Variants in COL10A1 observed in about 807,000 individuals in gnomAD.
COL10A1 encodes the protein collagen alpha-1(X) chain.
A neutral mutation model predicts 18.2 loss-of-function variants in COL10A1; 10 were observed. The ratio of observed to expected loss-of-function variants is 0.55; its 90% CI spans 0.34 to 0.93. COL10A1 has a LOEUF of 0.93. Ranked by LOEUF, COL10A1 falls within the 40% of genes least tolerant of loss-of-function variation. The probability of loss-of-function intolerance (pLI) is 0.02; values close to 1 mark genes in which losing one functional copy is unlikely to be tolerated. For missense variants in COL10A1, 897 were observed against 853.5 expected (o/e 1.05, Z -0.64); for synonymous variants, 330 against 316.6 (o/e 1.04, Z -0.45).
chr6:116,137,405 T>TA (rs1290454596), intron 1 of COL10A1: 1 of 156,480 alleles, frequency 6.4e-6, no homozygotes, highest in Non-Finnish European at 1.4e-5. Context: ...GGAAATCAGA[T>TA]ATCAGTGCCA....
At chr6:116,164,946 A>G in the COL10A1 span, among the ~76,000 whole-genome samples, 10 of 151,918 alleles carry the variant, frequency 6.6e-5, no homozygotes, top group African/African-American at 2.4e-4. Flanking sequence ...AAAATACAAA[A>G]AATTAGCGGA....
intron 1 of COL10A1, among the ~76,000 whole-genome samples, chr6:116,152,494 C>T (rs1780069529): frequency 6.6e-6 from 1 of 152,116 alleles, no homozygotes; most frequent in Non-Finnish European, 1.5e-5. Flanking sequence ...CCCCACCGTG[C>T]CAGAGAATGA....
chr6:116,209,611 G>T, the COL10A1 span, among the ~76,000 whole-genome samples: 1 of 151,914 alleles, frequency 6.6e-6, no homozygotes, highest in African/African-American at 2.4e-5. Flanking sequence ...AGCTTCCAAG[G>T]TTCACCAGGC....
upstream of COL10A1, among the ~76,000 whole-genome samples, chr6:116,126,971 A>G (rs182606682): frequency 9.2e-5 from 14 of 152,294 alleles, no homozygotes; most frequent in Admixed American, 7.8e-4. Context: ...CTGTTTAACA[A>G]TATTAGGAAG....
At chr6:116,165,098 GAAAAAAA>G in the COL10A1 span, among the ~76,000 whole-genome samples, 3 of 101,050 alleles carry the variant, frequency 3.0e-5, no homozygotes, top group East Asian at 9.1e-4. Flanking sequence ...CTCCGTCTCA[GAAAAAAA>G]AAAAAAAAAA....
chr6:116,199,029 A>AT, the COL10A1 span, among the ~76,000 whole-genome samples: 1 of 152,120 alleles, frequency 6.6e-6, no homozygotes, highest in Middle Eastern at 3.4e-3. Context: ...GCATTATATA[A>AT]TGTTTAGCAA....
chr6:116,210,615 A>G, the COL10A1 span, among the ~76,000 whole-genome samples: 2 of 151,994 alleles, frequency 1.3e-5, no homozygotes, highest in African/African-American at 2.4e-5. Flanking sequence ...AAATCCATTA[A>G]TAGTTATAAA....
the COL10A1 span, among the ~76,000 whole-genome samples, chr6:116,176,698 C>T: frequency 6.6e-6 from 1 of 152,190 alleles, no homozygotes; most frequent in African/African-American, 2.4e-5. Context: ...GCCTGTTGGA[C>T]TTGCTGCCCT....
intron 1 of COL10A1, among the ~76,000 whole-genome samples, chr6:116,138,992 C>T (rs1183044588): frequency 6.6e-6 from 1 of 151,984 alleles, no homozygotes; most frequent in Non-Finnish European, 1.5e-5. Flanking sequence ...CAGAGTAGAA[C>T]TTTTTCAGAT....
chr6:116,173,387 G>A, the COL10A1 span, among the ~76,000 whole-genome samples: 16 of 152,222 alleles, frequency 1.1e-4, no homozygotes, highest in African/African-American at 3.4e-4. Context: ...ATCTGGGGTG[G>A]GAAAACACTG....
chr6:116,170,060 A>G, the COL10A1 span, among the ~76,000 whole-genome samples: 2 of 152,246 alleles, frequency 1.3e-5, no homozygotes, highest in African/African-American at 4.8e-5. Flanking sequence ...CATAAGCGAC[A>G]TTGTCCATAG....
chr6:116,206,185 C>T, the COL10A1 span, among the ~76,000 whole-genome samples: 1 of 151,974 alleles, frequency 6.6e-6, no homozygotes, highest in Non-Finnish European at 1.5e-5. Flanking sequence ...CAGGGCAATT[C>T]CATGATGCAG....
At chr6:116,189,722 GA>G in the COL10A1 span, among the ~76,000 whole-genome samples, 43 of 149,422 alleles carry the variant, frequency 2.9e-4, no homozygotes, top group African/African-American at 9.5e-4. Flanking sequence ...TTCTGAGGAT[GA>G]AAAAAAAATG....
rs374691562 is a variant in COL10A1 at position 116,121,360 on chromosome 6, T to C, written c.756A>G (p.Gln252=). 11 of 1,613,944 alleles carry C rather than the reference T, an allele frequency of 6.8e-6. No individual in the cohort carries two copies. The African/African-American group carries it at 9.3e-5, about 14-fold the overall frequency. The part of the protein sequence containing the change: ...EMGPIGPPGP[Q]GPPGERGPEG... ...CTGGCCCTCGTTCCCCAGGAGGGCC[T>C]TGGGGACCTGGTGGGCCAATTGGTC... is the stretch of plus-strand genomic sequence containing the variant. Residue 252 remains glutamine, a synonymous_variant, in exon 3 of 3, where the codon CAA becomes CAG. Transcript: ENST00000651968.
At chr6:116,214,140 G>A in the COL10A1 span, among the ~76,000 whole-genome samples, 1 of 151,870 alleles carries the variant, frequency 6.6e-6, no homozygotes, top group Non-Finnish European at 1.5e-5. Flanking sequence ...TACAAACTTA[G>A]GATTCAAACT....
intron 1 of COL10A1, among the ~76,000 whole-genome samples, chr6:116,158,121 T>C (rs573675366): frequency 1.3e-5 from 2 of 152,202 alleles, no homozygotes; most frequent in African/African-American, 4.8e-5. Flanking sequence ...CAATAGCTAT[T>C]AATATAATGA....
At chr6:116,207,851 G>A in the COL10A1 span, among the ~76,000 whole-genome samples, 18 of 151,948 alleles carry the variant, frequency 1.2e-4, no homozygotes, top group African/African-American at 4.3e-4. Context: ...CCTCATTACT[G>A]ATCATTATGG....
chr6:116,135,245 G>C (rs1302163818), intron 1 of COL10A1, among the ~76,000 whole-genome samples: 1 of 152,034 alleles, frequency 6.6e-6, no homozygotes, highest in Non-Finnish European at 1.5e-5. Context: ...TTATTATTTG[G>C]GTTGTGAGTA....
intron 1 of COL10A1, among the ~76,000 whole-genome samples, chr6:116,140,997 G>A (rs1168182622): frequency 6.6e-6 from 1 of 152,092 alleles, no homozygotes; most frequent in African/African-American, 2.4e-5. Context: ...TATTAACTAT[G>A]TATATTTTTC....
Sources: allele counts gnomAD v4.1 joint callset (sites outside exome capture counted in the v4.1 genomes callset), GRCh38; gene constraint gnomAD v4.1.1; transcripts MANE v1.5; gene names NCBI Gene and HGNC (gene_info 2026-07-23, HGNC 2026-07-21).